The following C4orf50 variants were observed in gnomAD, a reference collection of about 807,000 sequenced individuals.
C4orf50 encodes the protein uncharacterized protein C4orf50.
A neutral mutation model predicts 77.2 loss-of-function variants in C4orf50; 80 were observed. The observed-to-expected ratio is 1.04, with a 90% confidence interval of 0.87 to 1.25. C4orf50 has a LOEUF of 1.25. Among genes scored for constraint, C4orf50 ranks in the 50% most tolerant of loss-of-function variants. The pLI, the probability that C4orf50 is intolerant of heterozygous loss-of-function variation, is 0.00. For synonymous variants in C4orf50, 532 were observed against 465.3 expected, an observed-to-expected ratio of 1.14 and a Z score of -1.84; for missense variants, 1,257 against 1,152.9, an observed-to-expected ratio of 1.09 and a Z score of -1.31.
rs1453429920 is a variant in C4orf50 at position 5,992,740 on chromosome 4, A to G, written c.1221+63T>C. On this transcript the variant is annotated intron_variant, in intron 27 of 33. Transcript: ENST00000531445. The surrounding 1 kb of genome is among the most constrained non-coding windows in gnomAD (Gnocchi z 5.0). ...TCCTGCGTGTGGCCACATAGCCTGC[A>G]TGAGGCAGGGCTGAGGGGAACCAGT... 1.5e-5 allele frequency: 6 copies of G among 398,934 alleles called. No homozygotes were observed. The highest frequency in any genetic ancestry group is 2.7e-5 in the Non-Finnish European group (6 of 226,112). The allele number at this position is 398,934 out of a possible 1,614,324, so 24.7% of individuals were successfully genotyped here.
chr4:5,898,269 C>T (rs867256298), intron 7 of C4orf50: 1 of 152,232 alleles, frequency 6.6e-6, no homozygotes, highest in Non-Finnish European at 1.5e-5. Context: ...TGTGCAAACC[C>T]GAACTGTGGA....
Position 5,931,325 on chromosome 4 carries a change from G to C in C4orf50, c.*2474+25576C>G, listed in dbSNP as rs115620456. 6.9e-3 allele frequency among the ~76,000 whole-genome samples: 1,047 copies of C among 152,198 alleles called. 8 individuals are homozygous for C. Among genetic ancestry groups the C allele is most frequent in the Middle Eastern group, 0.014 (4 of 294 alleles). ...TGCAAGGGACACCTAGTAAGTATCAGTTAGGGAATCTAGGAGTGGTGTTGG... is the reference window on the plus strand; with the variant it reads ...TGCAAGGGACACCTAGTAAGTATCACTTAGGGAATCTAGGAGTGGTGTTGG... On this transcript the variant is annotated intron_variant, in intron 7 of 7. Coordinates refer to the C4orf50 transcript ENST00000324058.
chr4:5,940,845 C>T (rs1340557844), intron 7 of C4orf50, among the ~76,000 whole-genome samples: 2 of 152,162 alleles, frequency 1.3e-5, no homozygotes, highest in Non-Finnish European at 2.9e-5. Flanking sequence ...ATGCAGAAAC[C>T]TGAGCTAGTT....
intron 25 of C4orf50, among the ~76,000 whole-genome samples, chr4:6,003,889 G>GTGATA (rs1721996286): frequency 6.8e-6 from 1 of 147,056 alleles, no homozygotes; most frequent in Non-Finnish European, 1.5e-5. Flanking sequence ...TGGTGATTAT[G>GTGATA]GTGATGATGT....
At chr4:5,975,577 T>A (rs2108777084) in intron 30 of C4orf50, among the ~76,000 whole-genome samples, 1 of 152,246 alleles carries the variant, frequency 6.6e-6, no homozygotes, top group East Asian at 1.9e-4. Context: ...AGTGACGTGA[T>A]CTCGGCTCAC....
At chr4:5,944,036 C>T (rs1385417511) in intron 7 of C4orf50, among the ~76,000 whole-genome samples, 1 of 152,184 alleles carries the variant, frequency 6.6e-6, no homozygotes, top group Non-Finnish European at 1.5e-5. Flanking sequence ...TCTGGCAGCC[C>T]CCATCTGAAC....
chr4:5,907,079 A>C (rs1249266968), intron 7 of C4orf50, among the ~76,000 whole-genome samples: 1 of 152,212 alleles, frequency 6.6e-6, no homozygotes, highest in Admixed American at 6.5e-5. Context: ...TAAGCTCATA[A>C]GCACCTGGCA....
At chr4:5,967,605 G>T in intron 31 of C4orf50, 143 bp from the exon 10 acceptor site, 1 of 694,460 alleles carries the variant, frequency 1.4e-6, no homozygotes, top group Non-Finnish European at 2.6e-6. Context: ...CTGCCTGTGT[G>T]CATGAAGACC....
chr4:5,988,719 C>T (rs1349324877), exon 28 of C4orf50: 34 of 1,535,986 alleles, frequency 2.2e-5, no homozygotes, highest in African/African-American at 5.5e-5. Flanking sequence ...GCCCCTGATC[C>T]GTGCTCCTCT....
chr4:5,982,989 T>A (rs1193519981), intron 28 of C4orf50, among the ~76,000 whole-genome samples: 3 of 152,072 alleles, frequency 2.0e-5, no homozygotes. Context: ...TGTAGGAAAT[T>A]TGGATCTCAT....
rs1392374893 is a variant in C4orf50, at chr4:5,916,831, T to C, written c.*2475-18643A>G. On this transcript the variant is annotated intron_variant, in intron 7 of 7. Coordinates refer to the C4orf50 transcript ENST00000324058. This position sits in a 1 kb window ranked among gnomAD's most constrained non-coding sequence, Gnocchi z 4.4. ...AGAGGACAGGAGCCTCTGCTTGAGG[T>C]GGGCACAAGCAGAGTCTGAGCTTGC... Among the ~76,000 whole-genome samples the C allele has an allele frequency of 6.6e-6, 1 of 151,816 alleles. No homozygotes were observed. Among genetic ancestry groups the C allele is most frequent in the East Asian group, 1.9e-4 (1 of 5,154 alleles).
intron 33 of C4orf50, among the ~76,000 whole-genome samples, chr4:5,964,411 A>T (rs528411616): frequency 6.7e-6 from 1 of 149,988 alleles, no homozygotes; most frequent in South Asian, 2.1e-4. Context: ...CTGTGGATGG[A>T]GATACTGTCA....
chr4:5,956,742 T>A (rs1429064957), downstream of C4orf50: 1 of 152,330 alleles, frequency 6.6e-6, no homozygotes, highest in African/African-American at 2.4e-5. Context: ...AAGTCCGCCA[T>A]TGTTGTTTGC....
intron 7 of C4orf50, among the ~76,000 whole-genome samples, chr4:5,945,484 C>T (rs1005947545): frequency 6.6e-6 from 1 of 152,164 alleles, no homozygotes; most frequent in Non-Finnish European, 1.5e-5. Context: ...AAACATGGCT[C>T]GTGAATGTGA....
At chr4:5,939,772 G>T (rs1344351077) in intron 7 of C4orf50, among the ~76,000 whole-genome samples, 2 of 152,056 alleles carry the variant, frequency 1.3e-5, no homozygotes, top group African/African-American at 4.8e-5. Flanking sequence ...CCTGTCCCCA[G>T]ACTGCAGAAA....
chr4:5,990,797 C>T (rs1721242388), exon 28 of C4orf50: 1 of 399,032 alleles, frequency 2.5e-6, no homozygotes, highest in African/African-American at 2.1e-5. Flanking sequence ...AGAATCTGTT[C>T]ATCCAAGCTG....
In C4orf50 at chr4:5,988,779, G is replaced by A. The variant is rs148575061; in HGVS notation, c.3267C>T (p.Asn1089=). 3.1e-3 allele frequency: 4,747 copies of A among 1,536,058 alleles called. 7 individuals are homozygous for A. The highest frequency in any genetic ancestry group is 3.8e-3 in the Non-Finnish European group (4,390 of 1,146,912). The stretch of plus-strand genomic sequence containing the variant: ...CATGGACCCTGCGTAGAAGGTGCTC[G>A]TTCTCCCCACTTAAGGCCCGGATCA... The change falls in exon 28 of 34, where the codon AAC becomes AAT. Residue 1089 remains asparagine, a synonymous_variant. Transcript: ENST00000531445.
At chr4:5,940,056 T>C (rs1427665598) in intron 7 of C4orf50, among the ~76,000 whole-genome samples, 1 of 152,222 alleles carries the variant, frequency 6.6e-6, no homozygotes. Context: ...TGTGCGTGTT[T>C]CTCCCTTCAT....
chr4:5,991,220 G>T (rs73212645), intron 27 of C4orf50, among the ~76,000 whole-genome samples: 23,887 of 152,102 alleles, frequency 0.16, 2,118 homozygotes, highest in Non-Finnish European at 0.2. Context: ...CTATAGCCCT[G>T]CCCTGTCCAA....
Sources: allele counts gnomAD v4.1 joint callset (sites outside exome capture counted in the v4.1 genomes callset), GRCh38; gene constraint gnomAD v4.1.1; non-coding constraint Gnocchi (gnomAD v3.1); transcripts MANE v1.5; gene names NCBI Gene and HGNC (gene_info 2026-07-23, HGNC 2026-07-21).